Variants in POLD4 observed in about 807,000 individuals in gnomAD.
The protein encoded by POLD4 is DNA polymerase delta 4, accessory subunit, also known as DNA polymerase delta subunit 4.
POLD4 carries 9 observed loss-of-function variants against 16.5 expected under a neutral mutation model. The observed-to-expected ratio is 0.55, with a 90% CI of 0.33 to 0.95. The LOEUF (loss-of-function observed/expected upper bound fraction) is 0.95. POLD4 is among the 40% of genes least tolerant of loss of function. The probability of loss-of-function intolerance (pLI) is 0.03; values close to 1 mark genes in which losing one functional copy is unlikely to be tolerated. For missense variants in POLD4, 129 were observed against 139.7 expected, an observed-to-expected ratio of 0.92 and a Z score of 0.39; for synonymous variants, 62 against 57.6, an observed-to-expected ratio of 1.08 and a Z score of -0.35.
Position 67,353,081 on chromosome 11 carries a change from C to G in POLD4, c.98-4G>C. On this transcript the variant is annotated splice_polypyrimidine_tract_variant and splice_region_variant and intron_variant, in intron 1 of 3. Transcript: ENST00000312419. Reference sequence around the variant, plus strand: ...TCGCGGGGCTGGGGCTCCTCCCCTGCAATGACAGCTGCTCTTCAGTACGAG... The same window carrying G: ...TCGCGGGGCTGGGGCTCCTCCCCTGGAATGACAGCTGCTCTTCAGTACGAG... 6.3e-7 allele frequency: 1 copy of G among 1,580,094 alleles called. No individual in the cohort carries two copies.
Position 67,353,490 on chromosome 11 carries a change from A to G in POLD4, c.-91T>C. 3 of 1,142,300 alleles carry G rather than the reference A, an allele frequency of 2.6e-6. No homozygotes were observed. The highest frequency in any genetic ancestry group is 3.8e-6 in the Non-Finnish European group (3 of 795,956). The allele number at this position is 1,142,300 out of a possible 1,614,324, so 70.8% of individuals were successfully genotyped here. ...GCGAGAAAGACAGCTGCTGAGAGAG[A>G]CAGACGGGGCCAGGCCAGCGGCGGG... On this transcript the variant is annotated 5_prime_UTR_variant, in exon 1 of 4. Transcript: ENST00000312419.
In POLD4 at chr11:67,351,278, T is replaced by C. The variant is rs1861862458; in HGVS notation, c.*717A>G. On this transcript the variant is annotated 3_prime_UTR_variant, in exon 4 of 4. Coordinates refer to ENST00000312419, the MANE Select transcript of POLD4 (RefSeq NM_021173.5). The surrounding 1 kb of genome is among the most constrained non-coding windows in gnomAD (Gnocchi z 4.8). The stretch of plus-strand genomic sequence containing the variant: ...CCCATGTTTGTGAGGTGGGCACCGC[T>C]TAGCAAGGCAGGTGGCTGGCTAGTC... 6.6e-6 allele frequency: 1 copy of C among 152,302 alleles called. No individual in the cohort carries two copies. The highest frequency in any genetic ancestry group is 2.4e-5 in the African/African-American group (1 of 41,456). The allele number at this position is 152,302 out of a possible 1,614,324, so 9.4% of individuals were successfully genotyped here.
In POLD4 at chr11:67,353,363, C is replaced by T. The variant is rs1180438631; in HGVS notation, c.37G>A (p.Val13Ile). The T allele has an allele frequency of 3.1e-6, 5 of 1,612,390 alleles. No individual in the cohort carries two copies. In the African/African-American group the frequency reaches 6.7e-5, roughly 22 times the overall value. The change falls in exon 1 of 4, where the codon GTT becomes ATT. Residue 13 changes from valine to isoleucine, a missense_variant. Transcript: ENST00000312419. ...GCGGGCCCCTCCCTCCTCTTCACAACCGGGTAGGAATCAGTGATGAGCCGC... is the reference window on the plus strand; with the variant it reads ...GCGGGCCCCTCCCTCCTCTTCACAATCGGGTAGGAATCAGTGATGAGCCGC... ...RKRLITDSYP[V>I]VKRREGPAGH...
intron 1 of POLD4, 105 bp from the exon 2 acceptor site, chr11:67,353,182 C>A: frequency 6.7e-7 from 1 of 1,503,726 alleles, no homozygotes; most frequent in East Asian, 2.4e-5. Context: ...CGCAGCTAGA[C>A]CTGGTGTCGG....
rs533986090 is a variant in POLD4 at position 67,351,667 on chromosome 11, A to T, written c.*328T>A. ...GAGAGCATCTTTTCCTCATGGATCA[A>T]CTGTCCATGTCTGACTGTGCCTAAC... is the stretch of plus-strand genomic sequence containing the variant. On this transcript the variant is annotated 3_prime_UTR_variant, in exon 4 of 4. Transcript: ENST00000312419. This position sits in a 1 kb window ranked among gnomAD's most constrained non-coding sequence, Gnocchi z 4.8. 3.3e-6 allele frequency: 1 copy of T among 302,730 alleles called. No homozygotes were observed. Among genetic ancestry groups the T allele is most frequent in the African/African-American group, 2.2e-5 (1 of 46,260 alleles). 18.8% of individuals were successfully genotyped at this position (302,730 alleles called of 1,614,324 possible).
chr11:67,352,420 G>C, intron 3 of POLD4: 1 of 399,970 alleles, frequency 2.5e-6, no homozygotes, highest in Non-Finnish European at 4.5e-6. Context: ...TGAGACAGGA[G>C]AATGGCGTGA....
At position 67,353,491 on chromosome 11, in the gene POLD4, C is replaced by T; in HGVS notation, c.-92G>A. 9.1e-7 allele frequency: 1 copy of T among 1,096,140 alleles called. No homozygotes were observed. Among genetic ancestry groups the T allele is most frequent in the Non-Finnish European group, 1.3e-6 (1 of 758,180 alleles). 67.9% of individuals were successfully genotyped at this position (1,096,140 alleles called of 1,614,324 possible). ...CGAGAAAGACAGCTGCTGAGAGAGA[C>T]AGACGGGGCCAGGCCAGCGGCGGGC... On this transcript the variant is annotated 5_prime_UTR_variant, in exon 1 of 4. Coordinates refer to ENST00000312419, the MANE Select transcript of POLD4 (RefSeq NM_021173.5).
chr11:67,352,062 A>G, intron 3 of POLD4, 43 bp from the exon 4 acceptor site: 1 of 1,409,676 alleles, frequency 7.1e-7, no homozygotes, highest in Non-Finnish European at 9.9e-7. Context: ...CCAGAGAGAG[A>G]GAGAGAGAAA....
Position 67,351,599 on chromosome 11 carries a change from G to A in POLD4, c.*396C>T, listed in dbSNP as rs1227322828. 2 of 199,156 alleles carry A rather than the reference G, an allele frequency of 1.0e-5. No individual in the cohort carries two copies. Among genetic ancestry groups the A allele is most frequent in the Non-Finnish European group, 2.1e-5 (2 of 96,918 alleles). 12.3% of individuals were successfully genotyped at this position (199,156 alleles called of 1,614,324 possible). On this transcript the variant is annotated 3_prime_UTR_variant, in exon 4 of 4. Transcript: ENST00000312419. The surrounding 1 kb of genome is among the most constrained non-coding windows in gnomAD (Gnocchi z 4.8). ...AAGCATTAGTGAACCCCTTGCCCTG[G>A]GAGCTCAGCCAGTCCTGCTCTCAGA...
chr11:67,353,095 C>A lies in POLD4; in HGVS notation c.98-18G>T. 1 of 1,571,662 alleles carries A rather than the reference C, an allele frequency of 6.4e-7. No individual in the cohort carries two copies. The highest frequency in any genetic ancestry group is 8.6e-7 in the Non-Finnish European group (1 of 1,158,710). On this transcript the variant is annotated intron_variant, in intron 1 of 3. Transcript: ENST00000312419. ...CTCCTCCCCTGCAATGACAGCTGCT[C>A]TTCAGTACGAGGTTGGCTTCAGTCT...
Position 67,352,036 on chromosome 11 carries a change from G to T in POLD4, c.300-17C>A. On this transcript the variant is annotated splice_polypyrimidine_tract_variant and intron_variant, in intron 3 of 3. Transcript: ENST00000312419. ...TGCCAGAGACTGTGGAAGATGGGGT[G>T]GGAGGGAGGGATACCCCAGAGAGAG... 1.4e-6 allele frequency: 2 copies of T among 1,446,814 alleles called. No individual in the cohort carries two copies. Among genetic ancestry groups the T allele is most frequent in the Non-Finnish European group, 1.9e-6 (2 of 1,042,294 alleles). 89.6% of individuals were successfully genotyped at this position (1,446,814 alleles called of 1,614,324 possible). A position where few individuals can be genotyped will look rare whatever the true frequency, so the allele number is the denominator to read the frequency against.
In POLD4 at chr11:67,352,986, A is replaced by AC; in HGVS notation, c.187+1dup. The AC allele has an allele frequency of 6.4e-7, 1 of 1,563,828 alleles. No homozygotes were observed. The highest frequency in any genetic ancestry group is 8.7e-7 in the Non-Finnish European group (1 of 1,153,516). On this transcript the variant is annotated splice_donor_variant, in intron 2 of 3. Transcript: ENST00000312419. LOFTEE classifies it high-confidence loss of function. ...CCTCCGTGGGGCTGGGTGGGTTCTC[A>AC]CCGGTGCAGGGCCCGTACTGCCAGG...
Position 67,352,867 on chromosome 11 carries a change from T to C in POLD4, c.188-65A>G. ...GTGGGGTAGAGTCTGAGCTGGAGAA[T>C]GTGTGTGTTGGGGGGAGACAGTTCC... is the stretch of plus-strand genomic sequence containing the variant. On this transcript the variant is annotated intron_variant, in intron 2 of 3. Transcript: ENST00000312419. 2.9e-6 allele frequency: 4 copies of C among 1,373,056 alleles called. No individual in the cohort carries two copies. The South Asian group carries it at 3.9e-5, about 13-fold the overall frequency. 85.1% of individuals were successfully genotyped at this position (1,373,056 alleles called of 1,614,324 possible). A position where few individuals can be genotyped will look rare whatever the true frequency, so the allele number is the denominator to read the frequency against.
In POLD4 at chr11:67,351,687, C is replaced by T; in HGVS notation, c.*308G>A. Reference sequence around the variant, plus strand: ...GATCAACTGTCCATGTCTGACTGTGCCTAACTTGCCAGATCATGGGTCAGG... The same window carrying T: ...GATCAACTGTCCATGTCTGACTGTGTCTAACTTGCCAGATCATGGGTCAGG... On this transcript the variant is annotated 3_prime_UTR_variant, in exon 4 of 4. Coordinates refer to ENST00000312419, the MANE Select transcript of POLD4 (RefSeq NM_021173.5). The surrounding 1 kb of genome is among the most constrained non-coding windows in gnomAD (Gnocchi z 4.8). The T allele has an allele frequency of 2.6e-6, 1 of 379,688 alleles. No homozygotes were observed. The highest frequency in any genetic ancestry group is 4.9e-6 in the Non-Finnish European group (1 of 204,758). 23.5% of individuals were successfully genotyped at this position (379,688 alleles called of 1,614,324 possible).
In POLD4 at chr11:67,351,881, A is replaced by G; in HGVS notation, c.*114T>C. On this transcript the variant is annotated 3_prime_UTR_variant, in exon 4 of 4. Coordinates refer to ENST00000312419, the MANE Select transcript of POLD4 (RefSeq NM_021173.5). The surrounding 1 kb of genome is among the most constrained non-coding windows in gnomAD (Gnocchi z 4.8). ...TGACACCTCCAGGTTCTGCCTGCCA[A>G]GGGTTCCTCCGCAGCCGGGCTGAGC... 8.4e-7 allele frequency: 1 copy of G among 1,197,182 alleles called. No homozygotes were observed. The highest frequency in any genetic ancestry group is 2.6e-5 in the East Asian group (1 of 39,132). The allele number at this position is 1,197,182 out of a possible 1,614,324, so 74.2% of individuals were successfully genotyped here. A position where few individuals can be genotyped will look rare whatever the true frequency, so the allele number is the denominator to read the frequency against.
At position 67,353,104 on chromosome 11, in the gene POLD4, G is replaced by C. The variant is rs544257396; in HGVS notation, c.98-27C>G. On this transcript the variant is annotated intron_variant, in intron 1 of 3. Coordinates refer to ENST00000312419, the MANE Select transcript of POLD4 (RefSeq NM_021173.5). The stretch of plus-strand genomic sequence containing the variant: ...TGCAATGACAGCTGCTCTTCAGTAC[G>C]AGGTTGGCTTCAGTCTCCTGCCCCT... 10 of 1,563,686 alleles carry C rather than the reference G, an allele frequency of 6.4e-6. No homozygotes were observed. In the South Asian group the frequency reaches 1.0e-4, roughly 16 times the overall value.
Position 67,353,008 on chromosome 11 carries a change from C to T in POLD4, c.167G>A (p.Trp56Ter). Residue 56 changes from tryptophan (W) to a stop codon, truncating the protein, a stop_gained, in exon 2 of 4, where the codon TGG becomes TAG. Coordinates refer to ENST00000312419, the MANE Select transcript of POLD4 (RefSeq NM_021173.5). LOFTEE classifies it high-confidence loss of function. ...CTCACCGGTGCAGGGCCCGTACTGC[C>T]AGGCCAGGTCAAACTGCCTCAGCAG... ...LELLRQFDLA[W>*]QYGPCTGITR... The T allele has an allele frequency of 6.3e-7, 1 of 1,583,340 alleles. No homozygotes were observed. The highest frequency in any genetic ancestry group is 1.1e-5 in the South Asian group (1 of 87,216).
chr11:67,351,912 A>C lies in POLD4; in HGVS notation c.*83T>G, dbSNP rs1861875192. ...CCTCCGCAGCCGGGCTGAGCTGAGC[A>C]GGAGCAATGGGCTCTCGCTTCTGTC... On this transcript the variant is annotated 3_prime_UTR_variant, in exon 4 of 4. Coordinates refer to ENST00000312419, the MANE Select transcript of POLD4 (RefSeq NM_021173.5). The surrounding 1 kb of genome is among the most constrained non-coding windows in gnomAD (Gnocchi z 4.8). 2.8e-6 allele frequency: 4 copies of C among 1,449,846 alleles called. No homozygotes were observed. The South Asian group carries it at 3.6e-5, about 13-fold the overall frequency. 89.8% of individuals were successfully genotyped at this position (1,449,846 alleles called of 1,614,324 possible).
chr11:67,352,882 G>T, intron 2 of POLD4, 80 bp from the exon 3 acceptor site: 2 of 1,361,010 alleles, frequency 1.5e-6, no homozygotes, highest in Non-Finnish European at 2.0e-6. Context: ...GTGTTGGGGG[G>T]AGACAGTTCC....
Sources: gnomAD v4.1 joint callset for allele counts on GRCh38, gnomAD v4.1.1 for gene constraint, Gnocchi (gnomAD v3.1) non-coding constraint, MANE v1.5 for transcripts, NCBI Gene and HGNC (gene_info 2026-07-23, HGNC 2026-07-21) for gene names.